SLC9D1: variants seen among roughly 807,000 people sequenced by gnomAD.
SLC9D1 encodes the protein solute carrier family 9 member D1.
the SLC9D1 span, chr13:113,528,659 G>A: frequency 5.9e-5 from 9 of 152,286 alleles, no homozygotes; most frequent in African/African-American, 9.7e-5. Context: ...TAGTGCAGCC[G>A]CTGGTGGAGG....
the SLC9D1 span, among the ~76,000 whole-genome samples, chr13:113,538,305 CGTGT>C: frequency 6.6e-6 from 1 of 151,436 alleles, no homozygotes; most frequent in African/African-American, 2.4e-5. Context: ...GGCACATGTG[CGTGT>C]GTGTGTGTGT....
At chr13:113,493,275 G>C in the SLC9D1 span, among the ~76,000 whole-genome samples, 1 of 152,176 alleles carries the variant, frequency 6.6e-6, no homozygotes, top group African/African-American at 2.4e-5. Context: ...CATGAGCTGT[G>C]TTGAAACTTA....
chr13:113,544,640 G>A, the SLC9D1 span, among the ~76,000 whole-genome samples: 1 of 152,262 alleles, frequency 6.6e-6, no homozygotes, highest in Admixed American at 6.5e-5. Flanking sequence ...ACCGTTGTGG[G>A]GGCTGGAAGT....
At chr13:113,534,411 T>C in the SLC9D1 span, 1 of 631,160 alleles carries the variant, frequency 1.6e-6, no homozygotes, top group Non-Finnish European at 2.7e-6. Flanking sequence ...CAAAATATAA[T>C]ACAGGGAGCT....
the SLC9D1 span, chr13:113,549,845 T>A: frequency 1.7e-6 from 1 of 582,026 alleles, no homozygotes; most frequent in South Asian, 2.2e-5. Context: ...TATTATTAAT[T>A]TTCTATTGTG....
the SLC9D1 span, among the ~76,000 whole-genome samples, chr13:113,525,907 C>T: frequency 2.6e-5 from 4 of 152,072 alleles, no homozygotes; most frequent in African/African-American, 7.2e-5. Context: ...TAGAACAAGC[C>T]GTCGTCGTCG....
chr13:113,518,967 T>C, the SLC9D1 span, among the ~76,000 whole-genome samples: 2 of 152,186 alleles, frequency 1.3e-5, no homozygotes, highest in African/African-American at 4.8e-5. Flanking sequence ...ATCAAGGGGT[T>C]TTGTGTGGTT....
chr13:113,547,188 T>G, the SLC9D1 span: 38 of 831,012 alleles, frequency 4.6e-5, no homozygotes, highest in Non-Finnish European at 6.2e-5. Flanking sequence ...TTGGGAGGAT[T>G]TAGGATTTTA....
At chr13:113,534,657 C>G in the SLC9D1 span, 1 of 206,550 alleles carries the variant, frequency 4.8e-6, no homozygotes, top group Non-Finnish European at 9.7e-6. Flanking sequence ...GGGGCGTGGT[C>G]GCGCTCATGT....
At chr13:113,548,507 G>A in the SLC9D1 span, 4 of 1,555,728 alleles carry the variant, frequency 2.6e-6, no homozygotes, top group Non-Finnish European at 3.5e-6. Flanking sequence ...TGCACTCTGG[G>A]TTTGAGTCGG....
chr13:113,549,368 G>A, the SLC9D1 span: 8 of 1,590,488 alleles, frequency 5.0e-6, no homozygotes, highest in Admixed American at 5.2e-5. Context: ...GTGCTTTCCT[G>A]TTGCAGGTGC....
At chr13:113,497,285 C>G in the SLC9D1 span, among the ~76,000 whole-genome samples, 1 of 151,744 alleles carries the variant, frequency 6.6e-6, no homozygotes, top group Non-Finnish European at 1.5e-5. Flanking sequence ...GTGTGCAAGA[C>G]CTGCAGCTGT....
chr13:113,545,292 A>G, the SLC9D1 span, among the ~76,000 whole-genome samples: 2 of 136,270 alleles, frequency 1.5e-5, no homozygotes, highest in Non-Finnish European at 3.1e-5. Flanking sequence ...AGATTGAAAC[A>G]TCGAGCTGGG....
the SLC9D1 span, among the ~76,000 whole-genome samples, chr13:113,494,530 C>G: frequency 6.6e-6 from 1 of 152,100 alleles, no homozygotes; most frequent in Non-Finnish European, 1.5e-5. Flanking sequence ...AAAGCAGGTT[C>G]CTGTCTGTGC....
chr13:113,510,270 C>T, the SLC9D1 span: 1 of 1,614,200 alleles, frequency 6.2e-7, no homozygotes, highest in Middle Eastern at 1.6e-4. Context: ...GGCCGTGTTA[C>T]ATGACACTGT....
the SLC9D1 span, among the ~76,000 whole-genome samples, chr13:113,542,962 C>T: frequency 6.6e-6 from 1 of 151,870 alleles, no homozygotes; most frequent in Non-Finnish European, 1.5e-5. Context: ...CCCAATGCAG[C>T]CTCACGAGTC....
At chr13:113,509,537 A>G in the SLC9D1 span, among the ~76,000 whole-genome samples, 1 of 152,206 alleles carries the variant, frequency 6.6e-6, no homozygotes, top group Admixed American at 6.5e-5. Flanking sequence ...TTAGCCACAC[A>G]GCCCCTGCAC....
chr13:113,538,244 G>GTGGTGTATA, the SLC9D1 span, among the ~76,000 whole-genome samples: 5 of 152,082 alleles, frequency 3.3e-5, no homozygotes, highest in Admixed American at 6.6e-5. Flanking sequence ...TGTGGTGTGT[G>GTGGTGTATA]TGTGGTATGT....
At chr13:113,536,679 C>A in the SLC9D1 span, 1 of 535,454 alleles carries the variant, frequency 1.9e-6, no homozygotes, top group Non-Finnish European at 2.4e-6. Flanking sequence ...CTGCCAGCTG[C>A]TTGGGGTGCT....
Sources: allele counts gnomAD v4.1 joint callset (sites outside exome capture counted in the v4.1 genomes callset), GRCh38; gene constraint gnomAD v4.1.1; transcripts MANE v1.5; gene names NCBI Gene and HGNC (gene_info 2026-07-23, HGNC 2026-07-21).